ZIM2: variants seen among roughly 807,000 people sequenced by gnomAD.
ZIM2 encodes the protein zinc finger imprinted 2, also known as zinc finger protein 656.
Under a neutral mutation model 38.6 loss-of-function variants are expected in ZIM2, and 14 were observed. The ratio of observed to expected loss-of-function variants is 0.36; its 90% confidence interval spans 0.24 to 0.57. The LOEUF (loss-of-function observed/expected upper bound fraction) is 0.57, where lower values mean the gene tolerates loss of function less well. Ranked by LOEUF, ZIM2 falls within the 20% of genes least tolerant of loss-of-function variation. The probability of loss-of-function intolerance (pLI) is 0.81; values close to 1 mark genes in which losing one functional copy is unlikely to be tolerated. For missense variants in ZIM2, 680 were observed against 695.1 expected (o/e 0.98, Z 0.24); for synonymous variants, 247 against 245.8 (o/e 1.00, Z -0.04).
chr19:56,787,357 C>T (rs2046664468), intron 10 of ZIM2, among the ~76,000 whole-genome samples: 1 of 152,058 alleles, frequency 6.6e-6, no homozygotes. Context: ...CTCACTGCAA[C>T]CTCTGCCTCC....
At chr19:56,786,220 T>G (rs532305126) in intron 10 of ZIM2, among the ~76,000 whole-genome samples, 2 of 152,158 alleles carry the variant, frequency 1.3e-5, no homozygotes, top group African/African-American at 4.8e-5. Flanking sequence ...ATAAGAAGAA[T>G]AGTATGTGTT....
At chr19:56,827,050 T>C (rs766759128) in intron 2 of ZIM2, among the ~76,000 whole-genome samples, 1 of 152,116 alleles carries the variant, frequency 6.6e-6, no homozygotes, top group African/African-American at 2.4e-5. Context: ...GAGAAAAATA[T>C]GACCACTAGG....
intron 11 of ZIM2, among the ~76,000 whole-genome samples, chr19:56,780,821 T>A (rs2046298686): frequency 6.6e-6 from 1 of 152,214 alleles, no homozygotes; most frequent in Non-Finnish European, 1.5e-5. Flanking sequence ...ATTGAAGAAC[T>A]TCTTTTTCAC....
At chr19:56,821,000 A>C (rs1413544523) in intron 7 of ZIM2, among the ~76,000 whole-genome samples, 3 of 152,132 alleles carry the variant, frequency 2.0e-5, no homozygotes, top group Non-Finnish European at 4.4e-5. Flanking sequence ...AAACAAGCTC[A>C]AGTTCCACAT....
chr19:56,808,384 A>G (rs2047863461), intron 9 of ZIM2, among the ~76,000 whole-genome samples: 1 of 152,150 alleles, frequency 6.6e-6, no homozygotes, highest in Non-Finnish European at 1.5e-5. Flanking sequence ...CATATGGTAT[A>G]TAAGTGGTAC....
chr19:56,811,806 G>C, intron 9 of ZIM2: 2 of 985,476 alleles, frequency 2.0e-6, no homozygotes, highest in Non-Finnish European at 2.4e-6. Context: ...AAACTGCTCA[G>C]GACACCCCGC....
At chr19:56,782,551 A>G (rs2046379265) in intron 10 of ZIM2, 1 of 413,996 alleles carries the variant, frequency 2.4e-6, no homozygotes, top group Non-Finnish European at 4.7e-6. Flanking sequence ...AAATGACAAA[A>G]TACCATTTTA....
Position 56,775,495 on chromosome 19 carries a change from C to G in ZIM2, c.870G>C (p.Gln290His). ...GAGTCAAAAGTTTCTCTTGGTTGCC[C>G]TGGTGTGGTTCCAATGGATCATCAT... is the stretch of plus-strand genomic sequence containing the variant. ...ESHDDPLEPH[Q>H]GNQEKLLTPI... Residue 290 changes from glutamine (Q) to histidine (H), a missense_variant, in exon 13 of 13, where the codon CAG (glutamine) becomes CAC (histidine). By Grantham distance (24) the Gln-to-His change is conservative. Coordinates refer to ENST00000629319, the MANE Select transcript of ZIM2 (RefSeq NM_001387356.1). 1.9e-6 allele frequency: 3 copies of G among 1,613,366 alleles called. No individual in the cohort carries two copies. The highest frequency in any genetic ancestry group is 2.5e-6 in the Non-Finnish European group (3 of 1,179,796).
At chr19:56,809,755 A>AT (rs1342225811) in intron 9 of ZIM2, among the ~76,000 whole-genome samples, 2 of 152,186 alleles carry the variant, frequency 1.3e-5, no homozygotes, top group Admixed American at 6.5e-5. Flanking sequence ...ATTGTCTGTG[A>AT]TTTTTTATGT....
chr19:56,795,520 C>G (rs1433327933), intron 9 of ZIM2, among the ~76,000 whole-genome samples: 1 of 152,238 alleles, frequency 6.6e-6, no homozygotes, highest in African/African-American at 2.4e-5. Flanking sequence ...TGACCAAAAC[C>G]AGCAGCGCAT....
At chr19:56,817,955 C>T in intron 8 of ZIM2, 117 bp from the exon 9 acceptor site, 2 of 719,256 alleles carry the variant, frequency 2.8e-6, no homozygotes, top group East Asian at 2.7e-5. Flanking sequence ...ACATCTGATT[C>T]CTTGGATGTC....
At chr19:56,840,337 C>T (rs2062864516) in intron 1 of ZIM2, among the ~76,000 whole-genome samples, 2 of 152,198 alleles carry the variant, frequency 1.3e-5, no homozygotes, top group Non-Finnish European at 2.9e-5. Context: ...CGCAGCAGCC[C>T]GGGCTGCGCC....
rs750773551 is a variant in ZIM2 at position 56,836,033 on chromosome 19, T to G, written c.-242A>C. 2.0e-6 allele frequency: 1 copy of G among 511,960 alleles called. No homozygotes were observed. Among genetic ancestry groups the G allele is most frequent in the Admixed American group, 2.0e-5 (1 of 50,784 alleles). The allele number at this position is 511,960 out of a possible 1,614,324, so 31.7% of individuals were successfully genotyped here. On this transcript the variant is annotated 5_prime_UTR_variant, in exon 2 of 13. Coordinates refer to ENST00000629319, the MANE Select transcript of ZIM2 (RefSeq NM_001387356.1). ...TTCAACTCACCTGGACCCAGCCACC[T>G]AGCGTTTGGACCTAGTCCCTCTTCC...
rs748323299 is a variant in ZIM2, at chr19:56,774,944, C to G, written c.1421G>C (p.Gly474Ala). 1 of 1,614,156 alleles carries G rather than the reference C, an allele frequency of 6.2e-7. No individual in the cohort carries two copies. Among genetic ancestry groups the G allele is most frequent in the South Asian group, 1.1e-5 (1 of 91,080 alleles). Residue 474 changes from glycine (G) to alanine (A), a missense_variant, in exon 13 of 13, where the codon GGG becomes GCG. By Grantham distance (60) the Gly-to-Ala change is moderately conservative. Transcript: ENST00000629319. Reference protein sequence around the residue: ...AHEAARVLPPGLSHSKTYLIR... With the variant: ...AHEAARVLPPALSHSKTYLIR... ...TAAGTATGTCTTGCTGTGGGACAACCCAGGAGGAAGGACTCTTGCTGCCTC... is the reference window on the plus strand; with the variant it reads ...TAAGTATGTCTTGCTGTGGGACAACGCAGGAGGAAGGACTCTTGCTGCCTC...
Position 56,814,549 on chromosome 19 carries a change from G to T in ZIM2, c.490+3197C>A, listed in dbSNP as rs771668906. On this transcript the variant is annotated intron_variant, in intron 9 of 12. Transcript: ENST00000629319. The surrounding 1 kb of genome is among the most constrained non-coding windows in gnomAD (Gnocchi z 5.8). Reference sequence around the variant, plus strand: ...ATTCTTATGAACAGTTACGTGATCTGCAAGTTCTGCTGGGTTGACGAAAGA... The same window carrying T: ...ATTCTTATGAACAGTTACGTGATCTTCAAGTTCTGCTGGGTTGACGAAAGA... 1 of 1,613,766 alleles carries T rather than the reference G, an allele frequency of 6.2e-7. No individual in the cohort carries two copies. The highest frequency in any genetic ancestry group is 8.5e-7 in the Non-Finnish European group (1 of 1,179,796).
intron 9 of ZIM2, among the ~76,000 whole-genome samples, chr19:56,802,105 G>A (rs1328432711): frequency 6.6e-6 from 1 of 152,176 alleles, no homozygotes; most frequent in Non-Finnish European, 1.5e-5. Context: ...GAAGAGGGCA[G>A]GTTCCACCAG....
At chr19:56,808,683 T>G (rs1295719664) in intron 9 of ZIM2, among the ~76,000 whole-genome samples, 16 of 152,100 alleles carry the variant, frequency 1.1e-4, no homozygotes, top group Admixed American at 1.0e-3. Context: ...AATGTTCTGA[T>G]CCCCAACAAT....
At chr19:56,813,089 C>A in intron 9 of ZIM2, 1 of 984,784 alleles carries the variant, frequency 1.0e-6, no homozygotes, top group Non-Finnish European at 1.2e-6. Context: ...GGGTAAGAAA[C>A]AAAACAATTA....
In ZIM2 at chr19:56,814,568, C is replaced by A; in HGVS notation, c.490+3178G>T. 6.2e-7 allele frequency: 1 copy of A among 1,613,738 alleles called. No homozygotes were observed. Among genetic ancestry groups the A allele is most frequent in the Non-Finnish European group, 8.5e-7 (1 of 1,179,824 alleles). ...TGATCTGCAAGTTCTGCTGGGTTGACGAAAGATTCTCCACAGACTGCACAT... is the reference window on the plus strand; with the variant it reads ...TGATCTGCAAGTTCTGCTGGGTTGAAGAAAGATTCTCCACAGACTGCACAT... On this transcript the variant is annotated intron_variant, in intron 9 of 12. Coordinates refer to ENST00000629319, the MANE Select transcript of ZIM2 (RefSeq NM_001387356.1). The surrounding 1 kb of genome is among the most constrained non-coding windows in gnomAD (Gnocchi z 5.8).
Sources: gnomAD v4.1 joint callset for allele counts (sites outside exome capture counted in the v4.1 genomes callset) on GRCh38, gnomAD v4.1.1 for gene constraint, Gnocchi (gnomAD v3.1) non-coding constraint, MANE v1.5 for transcripts, NCBI Gene and HGNC (gene_info 2026-07-23, HGNC 2026-07-21) for gene names.